The following ACSS3 variants were observed in gnomAD, a reference collection of about 807,000 sequenced individuals.
ACSS3 encodes the protein acyl-CoA synthetase short-chain family member 3, mitochondrial.
A neutral mutation model predicts 84.2 loss-of-function variants in ACSS3; 64 were observed. That is an observed-to-expected ratio of 0.76 (90% CI 0.62 to 0.94). The LOEUF (loss-of-function observed/expected upper bound fraction) is 0.94, where lower values mean the gene tolerates loss of function less well. Among genes scored for constraint, ACSS3 ranks in the 40% least tolerant of loss-of-function variants. ACSS3 has a pLI of 0.00. For synonymous variants in ACSS3, 317 were observed against 310.1 expected, an observed-to-expected ratio of 1.02 and a Z score of -0.23; for missense variants, 815 against 867.6, an observed-to-expected ratio of 0.94 and a Z score of 0.76.
At chr12:81,092,070 C>A (rs139961227) in intron 1 of ACSS3, among the ~76,000 whole-genome samples, 2 of 152,036 alleles carry the variant, frequency 1.3e-5, no homozygotes, top group South Asian at 4.1e-4. Flanking sequence ...GATTTAAAAA[C>A]GAGCTGTGCA....
intron 7 of ACSS3, among the ~76,000 whole-genome samples, chr12:81,153,225 T>C (rs1378282427): frequency 6.6e-6 from 1 of 151,954 alleles, no homozygotes; most frequent in Non-Finnish European, 1.5e-5. Flanking sequence ...CTGCCAAACA[T>C]GGTGAAGCCC....
intron 5 of ACSS3, among the ~76,000 whole-genome samples, chr12:81,144,317 G>A (rs1886224657): frequency 6.6e-6 from 1 of 152,030 alleles, no homozygotes; most frequent in Admixed American, 6.6e-5. Context: ...AATTTTTGTT[G>A]AATTCATACG....
chr12:81,183,379 G>A (rs1020135226), intron 8 of ACSS3, among the ~76,000 whole-genome samples: 3 of 152,090 alleles, frequency 2.0e-5, no homozygotes, highest in African/African-American at 7.2e-5. Context: ...AAATAACAAA[G>A]GTAGACAACA....
In ACSS3 at chr12:81,140,791, A is replaced by G. The variant is rs1475248722; in HGVS notation, c.780+1526A>G. ...AATGGCAGGAACACACACACAATGTATGCATATGTGAGTATATGTGTGCTG... is the reference window on the plus strand; with the variant it reads ...AATGGCAGGAACACACACACAATGTGTGCATATGTGAGTATATGTGTGCTG... On this transcript the variant is annotated intron_variant, in intron 4 of 15. Coordinates refer to ENST00000548058, the MANE Select transcript of ACSS3 (RefSeq NM_024560.4). Among the ~76,000 whole-genome samples, 20 of 152,334 alleles carry G rather than the reference A, an allele frequency of 1.3e-4. No homozygotes were observed. In the East Asian group the frequency reaches 3.9e-3, roughly 29 times the overall value.
chr12:81,153,966 G>T (rs752588436), intron 7 of ACSS3, among the ~76,000 whole-genome samples: 8 of 151,852 alleles, frequency 5.3e-5, no homozygotes, highest in African/African-American at 1.9e-4. Flanking sequence ...TATATCTTGC[G>T]GACTTGATAT....
At chr12:81,105,555 C>G (rs1882915391) in intron 1 of ACSS3, among the ~76,000 whole-genome samples, 1 of 152,290 alleles carries the variant, frequency 6.6e-6, no homozygotes, top group African/African-American at 2.4e-5. Context: ...GGGTATTCTT[C>G]TTATCTCTAT....
At chr12:81,142,775 A>G (rs1369567378) in intron 4 of ACSS3, among the ~76,000 whole-genome samples, 4 of 152,256 alleles carry the variant, frequency 2.6e-5, no homozygotes, top group Non-Finnish European at 4.4e-5. Flanking sequence ...ATTAGTGTAC[A>G]TACATCTATA....
intron 11 of ACSS3, among the ~76,000 whole-genome samples, chr12:81,223,841 T>A (rs542614195): frequency 6.6e-6 from 1 of 151,948 alleles, no homozygotes; most frequent in African/African-American, 2.4e-5. Context: ...AAATTCCAGA[T>A]GGAGAAGTGA....
At chr12:81,100,921 C>T (rs1412288642) in intron 1 of ACSS3, among the ~76,000 whole-genome samples, 1 of 152,162 alleles carries the variant, frequency 6.6e-6, no homozygotes, top group Non-Finnish European at 1.5e-5. Context: ...TGCCTCATTT[C>T]AAGTGGGTAT....
intron 8 of ACSS3, among the ~76,000 whole-genome samples, chr12:81,181,363 T>C (rs2030910198): frequency 2.0e-5 from 3 of 152,172 alleles, no homozygotes; most frequent in Admixed American, 6.5e-5. Flanking sequence ...GCCCAACCGA[T>C]GCCCTCCAGC....
At chr12:81,231,004 C>T (rs2033438557) in intron 11 of ACSS3, 53 bp from the exon 12 acceptor site, 1 of 1,334,108 alleles carries the variant, frequency 7.5e-7, no homozygotes, top group African/African-American at 1.5e-5. Flanking sequence ...TCTAATCAAC[C>T]TGTCTTTATT....
rs1260101334 is a variant in ACSS3, at chr12:81,257,440, C to A, written c.*2518C>A. The A allele has an allele frequency of 2.6e-5, 4 of 152,038 alleles. No individual in the cohort carries two copies. Among genetic ancestry groups the A allele is most frequent in the Non-Finnish European group, 4.4e-5 (3 of 67,998 alleles). 9.4% of individuals were successfully genotyped at this position (152,038 alleles called of 1,614,324 possible). A position where few individuals can be genotyped will look rare whatever the true frequency, so the allele number is the denominator to read the frequency against. ...TCTGAATTAAATGTATCTTTAAAAA[C>A]AACAATATAATATTACTAAAAAATG... is the stretch of plus-strand genomic sequence containing the variant. On this transcript the variant is annotated 3_prime_UTR_variant, in exon 16 of 16. Transcript: ENST00000548058.
chr12:81,201,575 A>C (rs1216358488), intron 9 of ACSS3, among the ~76,000 whole-genome samples: 2 of 152,236 alleles, frequency 1.3e-5, no homozygotes, highest in African/African-American at 4.8e-5. Context: ...ACTCAGTTCC[A>C]TGAGAATTTG....
At chr12:81,157,048 A>G (rs1403714494) in intron 7 of ACSS3, among the ~76,000 whole-genome samples, 1 of 152,186 alleles carries the variant, frequency 6.6e-6, no homozygotes, top group African/African-American at 2.4e-5. Flanking sequence ...AAAAAAAAAT[A>G]CTACAAACTA....
At chr12:81,254,047 C>T (rs755915809) in intron 15 of ACSS3, among the ~76,000 whole-genome samples, 25 of 152,236 alleles carry the variant, frequency 1.6e-4, no homozygotes, top group Non-Finnish European at 3.4e-4. Flanking sequence ...ACATCAGTCT[C>T]ATAAGTAGTT....
intron 8 of ACSS3, among the ~76,000 whole-genome samples, chr12:81,194,064 A>C (rs1214641080): frequency 6.6e-6 from 1 of 151,812 alleles, no homozygotes; most frequent in African/African-American, 2.4e-5. Flanking sequence ...TAGCTGTTGA[A>C]AAGGTTACTA....
At chr12:81,129,102 G>A (rs989997924) in intron 2 of ACSS3, among the ~76,000 whole-genome samples, 3 of 152,130 alleles carry the variant, frequency 2.0e-5, no homozygotes, top group African/African-American at 7.2e-5. Context: ...GCTGAAACAA[G>A]CAAGGCCAAA....
rs150448570 is a variant in ACSS3 at position 81,083,100 on chromosome 12, A to G, written c.311+4669A>G. Among the ~76,000 whole-genome samples, 40 of 152,282 alleles carry G rather than the reference A, an allele frequency of 2.6e-4. 1 individual carries two copies. In the East Asian group the frequency reaches 7.7e-3, roughly 29 times the overall value. On this transcript the variant is annotated intron_variant, in intron 1 of 15. Coordinates refer to ENST00000548058, the MANE Select transcript of ACSS3 (RefSeq NM_024560.4). ...AAGAAAAGCCAAGTGTCCTTAGAGG[A>G]TAGTTATAGTAGACCAGCTGGCTTT...
chr12:81,260,914 C>T lies in ACSS3; in HGVS notation c.*5992C>T, dbSNP rs2035262853. 1 of 152,056 alleles carries T rather than the reference C, an allele frequency of 6.6e-6. No individual in the cohort carries two copies. The highest frequency in any genetic ancestry group is 2.1e-4 in the South Asian group (1 of 4,832). The allele number at this position is 152,056 out of a possible 1,614,324, so 9.4% of individuals were successfully genotyped here. A position where few individuals can be genotyped will look rare whatever the true frequency, so the allele number is the denominator to read the frequency against. On this transcript the variant is annotated 3_prime_UTR_variant, in exon 16 of 16. Transcript: ENST00000548058. ...TTTTAGGTTGAAAAAAAATTATGAA[C>T]ATTTGACATTTATAAATCTAAGAAA...
Sources: allele counts gnomAD v4.1 joint callset (sites outside exome capture counted in the v4.1 genomes callset), GRCh38; gene constraint gnomAD v4.1.1; transcripts MANE v1.5; gene names NCBI Gene and HGNC (gene_info 2026-07-23, HGNC 2026-07-21).